KIF26B: variants seen among roughly 807,000 people sequenced by gnomAD.
KIF26B encodes kinesin-like protein KIF26B.
KIF26B carries 63 observed loss-of-function variants against 151.2 expected under a neutral mutation model. The observed-to-expected ratio is 0.42, with a 90% CI of 0.34 to 0.51. The LOEUF (loss-of-function observed/expected upper bound fraction) is 0.51, where lower values mean the gene tolerates loss of function less well. Ranked by LOEUF, KIF26B falls within the 20% of genes least tolerant of loss-of-function variation. The pLI, the probability that KIF26B is intolerant of heterozygous loss-of-function variation, is 0.07. For missense variants in KIF26B, 2,813 were observed against 2,913.6 expected (o/e 0.97, Z 0.79); for synonymous variants, 1,357 against 1,262.1 (o/e 1.08, Z -1.59).
intron 2 of KIF26B, among the ~76,000 whole-genome samples, chr1:245,333,508 C>T (rs34709203): frequency 0.25 from 37,708 of 152,046 alleles, 7,102 homozygotes; most frequent in African/African-American, 0.5. Context: ...AGATGCAGAG[C>T]GTTCTGGAGG....
chr1:245,464,488 T>G (rs1306190090), intron 4 of KIF26B, among the ~76,000 whole-genome samples: 1 of 147,460 alleles, frequency 6.8e-6, no homozygotes, highest in Non-Finnish European at 1.5e-5. Flanking sequence ...TGTGTGCCCG[T>G]GGGTGTGTGT....
intron 2 of KIF26B, among the ~76,000 whole-genome samples, chr1:245,303,532 A>G (rs1384120077): frequency 6.6e-6 from 1 of 152,184 alleles, no homozygotes; most frequent in Non-Finnish European, 1.5e-5. Flanking sequence ...CAGCCCTGAC[A>G]TTGAACTCAG....
chr1:245,671,334 A>G (rs2044282642), intron 10 of KIF26B, among the ~76,000 whole-genome samples: 1 of 152,220 alleles, frequency 6.6e-6, no homozygotes, highest in African/African-American at 2.4e-5. Flanking sequence ...TGTTAATATA[A>G]CACGGATGTA....
At chr1:245,359,854 A>ATTTCTTTC (rs760040009) in intron 2 of KIF26B, among the ~76,000 whole-genome samples, 2 of 145,586 alleles carry the variant, frequency 1.4e-5, no homozygotes, top group East Asian at 2.0e-4. Flanking sequence ...GCCTATTGTG[A>ATTTCTTTC]TTTCTTTCTT....
At chr1:245,194,479 C>T (rs1039395761) in intron 2 of KIF26B, among the ~76,000 whole-genome samples, 2 of 152,126 alleles carry the variant, frequency 1.3e-5, no homozygotes, top group Non-Finnish European at 2.9e-5. Context: ...TGGGTTCAAG[C>T]GATTGTCCTG....
chr1:245,681,612 A>C (rs1558267461), intron 10 of KIF26B, among the ~76,000 whole-genome samples: 1 of 152,184 alleles, frequency 6.6e-6, no homozygotes. Context: ...GAAAGTGCTA[A>C]GGTAACAGCT....
rs1282558842 is a variant in KIF26B at position 245,540,794 on chromosome 1, T to C, written c.1194T>C (p.Ser398=). The C allele has an allele frequency of 6.2e-7, 1 of 1,613,980 alleles. No homozygotes were observed. Among genetic ancestry groups the C allele is most frequent in the Admixed American group, 1.7e-5 (1 of 60,026 alleles). ...CTGCCCAGAAGTTAAATCTGTCTTC[T>C]AAAAAGAAGAAACATCGGCCTTCCA... is the stretch of plus-strand genomic sequence containing the variant. The part of the protein sequence containing the change: ...ARAAQKLNLS[S]KKKKHRPSTS... Residue 398 remains serine (S), a synonymous_variant, in exon 5 of 15, where the codon TCT becomes TCC. Coordinates refer to ENST00000407071, the MANE Select transcript of KIF26B (RefSeq NM_018012.4). This position sits in a 1 kb window ranked among gnomAD's most constrained non-coding sequence, Gnocchi z 4.6.
rs1361703578 is a variant in KIF26B at position 245,316,289 on chromosome 1, T to G, written c.466-50545T>G. On this transcript the variant is annotated intron_variant, in intron 2 of 14. Coordinates refer to ENST00000407071, the MANE Select transcript of KIF26B (RefSeq NM_018012.4). ...GGCACCCGCCACCATGCCTGGCTAA[T>G]TTTTTTGTATTTTTAGTAGAGATGG... 2.0e-5 allele frequency among the ~76,000 whole-genome samples: 3 copies of G among 151,858 alleles called. No individual in the cohort carries two copies. The East Asian group carries it at 5.8e-4, about 29-fold the overall frequency.
At position 245,565,664 on chromosome 1, in the gene KIF26B, A is replaced by G. The variant is rs538373893; in HGVS notation, c.1350+24714A>G. 2.2e-4 allele frequency among the ~76,000 whole-genome samples: 34 copies of G among 152,324 alleles called. No homozygotes were observed. In the South Asian group the frequency reaches 6.4e-3, roughly 29 times the overall value. On this transcript the variant is annotated intron_variant, in intron 5 of 14. Transcript: ENST00000407071. The stretch of plus-strand genomic sequence containing the variant: ...TCTTCTTCAGGTCGAGATTAAGGGT[A>G]TGACATTAGTACTAACCATTATTCA...
intron 2 of KIF26B, among the ~76,000 whole-genome samples, chr1:245,291,908 C>G (rs11591034): frequency 0.2 from 30,517 of 152,016 alleles, 3,252 homozygotes; most frequent in Middle Eastern, 0.24. Context: ...AGAATGGCTT[C>G]AGCTCAGGGG....
chr1:245,186,100 C>T (rs1047996009), intron 2 of KIF26B, among the ~76,000 whole-genome samples: 2 of 152,106 alleles, frequency 1.3e-5, no homozygotes, highest in Admixed American at 6.5e-5. Context: ...GTCTCGAACC[C>T]CTTACCTCGT....
At chr1:245,397,074 C>A (rs1673864872) in intron 3 of KIF26B, among the ~76,000 whole-genome samples, 3 of 151,936 alleles carry the variant, frequency 2.0e-5, no homozygotes, top group Admixed American at 1.3e-4. Context: ...ATCCTCACAC[C>A]ACAGCCTCCC....
At chr1:245,262,091 T>A (rs1670655395) in intron 2 of KIF26B, among the ~76,000 whole-genome samples, 3 of 152,232 alleles carry the variant, frequency 2.0e-5, no homozygotes. Context: ...ATTCCCATGC[T>A]GACACACAGA....
In KIF26B at chr1:245,488,683, G is replaced by A. The variant is rs1660335206; in HGVS notation, c.1167-52084G>A. Reference sequence around the variant, plus strand: ...TGAACTGAAGACTGGGGTCCGGGTTGTAATGGAGACTTAGAGTTGAGTGAA... The same window carrying A: ...TGAACTGAAGACTGGGGTCCGGGTTATAATGGAGACTTAGAGTTGAGTGAA... On this transcript the variant is annotated intron_variant, in intron 4 of 14. Coordinates refer to ENST00000407071, the MANE Select transcript of KIF26B (RefSeq NM_018012.4). This position sits in a 1 kb window ranked among gnomAD's most constrained non-coding sequence, Gnocchi z 4.6. 6.6e-6 allele frequency among the ~76,000 whole-genome samples: 1 copy of A among 152,172 alleles called. No individual in the cohort carries two copies. Among genetic ancestry groups the A allele is most frequent in the Non-Finnish European group, 1.5e-5 (1 of 68,036 alleles).
intron 4 of KIF26B, among the ~76,000 whole-genome samples, chr1:245,422,227 A>G (rs948263027): frequency 6.6e-6 from 1 of 152,214 alleles, no homozygotes; most frequent in African/African-American, 2.4e-5. Context: ...AAGGGTTTAC[A>G]ATGTACAGTG....
chr1:245,181,908 G>C (rs1393071431), intron 2 of KIF26B, among the ~76,000 whole-genome samples: 1 of 152,136 alleles, frequency 6.6e-6, no homozygotes, highest in African/African-American at 2.4e-5. Context: ...TAGTTTGGGT[G>C]CAGGCCTAAC....
At chr1:245,640,877 A>T (rs899655730) in intron 9 of KIF26B, among the ~76,000 whole-genome samples, 12 of 152,228 alleles carry the variant, frequency 7.9e-5, no homozygotes, top group Admixed American at 5.2e-4. Flanking sequence ...CTACCTCAAA[A>T]ATTTTATAGT....
At chr1:245,670,282 GCA>G (rs138673530) in intron 10 of KIF26B, among the ~76,000 whole-genome samples, 10 of 93,374 alleles carry the variant, frequency 1.1e-4, no homozygotes, top group South Asian at 3.8e-4. Flanking sequence ...ATATATATAT[GCA>G]CACACACACA....
chr1:245,383,808 A>G (rs1673472697), intron 3 of KIF26B, among the ~76,000 whole-genome samples: 2 of 152,168 alleles, frequency 1.3e-5, no homozygotes. Context: ...GGTGCTGTCC[A>G]CTAATAAGTG....
Sources: gnomAD v4.1 joint callset for allele counts (sites outside exome capture counted in the v4.1 genomes callset) on GRCh38, gnomAD v4.1.1 for gene constraint, Gnocchi (gnomAD v3.1) non-coding constraint, MANE v1.5 for transcripts, NCBI Gene and HGNC (gene_info 2026-07-23, HGNC 2026-07-21) for gene names.